Variants in LNPK observed in about 807,000 individuals in gnomAD.
LNPK encodes endoplasmic reticulum junction formation protein lunapark.
Under a neutral mutation model 55.2 loss-of-function variants are expected in LNPK, and 29 were observed. That is an observed-to-expected ratio of 0.53 (90% CI 0.39 to 0.72). The LOEUF is 0.72. Ranked by LOEUF, LNPK falls within the 30% of genes least tolerant of loss-of-function variation. The pLI is 0.00. For synonymous variants in LNPK, 162 were observed against 168.2 expected, an observed-to-expected ratio of 0.96 and a Z score of 0.29; for missense variants, 467 against 494.8, an observed-to-expected ratio of 0.94 and a Z score of 0.53.
chr2:175,936,337 A>C (rs1482851257), intron 12 of LNPK, among the ~76,000 whole-genome samples: 1 of 152,164 alleles, frequency 6.6e-6, no homozygotes, highest in Non-Finnish European at 1.5e-5. Context: ...CAAATCCCAT[A>C]CTAAATTTCT....
At chr2:175,993,687 GGAGGCT>G (rs1687804928) in intron 2 of LNPK, among the ~76,000 whole-genome samples, 3 of 152,076 alleles carry the variant, frequency 2.0e-5, no homozygotes, top group African/African-American at 7.2e-5. Context: ...CAGCTACTCA[GGAGGCT>G]GAGGCACGAG....
chr2:175,966,265 T>C (rs1285408619), intron 6 of LNPK, among the ~76,000 whole-genome samples: 1 of 152,214 alleles, frequency 6.6e-6, no homozygotes, highest in Non-Finnish European at 1.5e-5. Flanking sequence ...GGTTTCGCCA[T>C]GTTGGCCAGG....
intron 4 of LNPK, among the ~76,000 whole-genome samples, chr2:175,984,244 T>C (rs942610203): frequency 4.6e-5 from 7 of 151,772 alleles, no homozygotes; most frequent in Admixed American, 2.0e-4. Context: ...TGGGGCGCGA[T>C]CTTGACTCAC....
chr2:175,973,804 T>C (rs1414014177), intron 5 of LNPK, among the ~76,000 whole-genome samples: 1 of 152,234 alleles, frequency 6.6e-6, no homozygotes, highest in Non-Finnish European at 1.5e-5. Flanking sequence ...GTTCTTTAAT[T>C]GACTACTCAT....
At chr2:175,937,187 C>A (rs1559026957) in intron 12 of LNPK, among the ~76,000 whole-genome samples, 157 bp downstream of exon 12, 1 of 152,114 alleles carries the variant, frequency 6.6e-6, no homozygotes. Context: ...ACACATCACA[C>A]CTATCACACA....
Position 175,952,860 on chromosome 2 carries a change from C to G in LNPK, c.494-5168G>C, listed in dbSNP as rs76261858. On this transcript the variant is annotated intron_variant, in intron 8 of 12. Transcript: ENST00000272748. ...TACTAATGTTGCATTAACATAGCTA[C>G]TCTTTATCAAATCCCTATTTTCTGC... Among the ~76,000 whole-genome samples the G allele has an allele frequency of 3.3e-5, 5 of 152,186 alleles. No individual in the cohort carries two copies. In the South Asian group the frequency reaches 1.0e-3, roughly 32 times the overall value.
At chr2:175,993,390 CA>C (rs1411525937) in intron 2 of LNPK, among the ~76,000 whole-genome samples, 167 bp from the exon 3 acceptor site, 1 of 152,080 alleles carries the variant, frequency 6.6e-6, no homozygotes, top group African/African-American at 2.4e-5. Context: ...ATTATAATTG[CA>C]AATAGAACTA....
At chr2:175,930,690 G>A (rs1446059262) in intron 12 of LNPK, among the ~76,000 whole-genome samples, 5 of 152,030 alleles carry the variant, frequency 3.3e-5, no homozygotes, top group African/African-American at 1.2e-4. Flanking sequence ...GTGGGTGTGG[G>A]TGGATGGTGC....
intron 4 of LNPK, among the ~76,000 whole-genome samples, chr2:175,989,501 T>G (rs184220439): frequency 1.5e-3 from 226 of 152,282 alleles, no homozygotes; most frequent in African/African-American, 5.1e-3. Flanking sequence ...TTTTACTTAG[T>G]TAACATAGTT....
chr2:175,972,227 A>G (rs1686696751), intron 5 of LNPK, among the ~76,000 whole-genome samples: 1 of 152,198 alleles, frequency 6.6e-6, no homozygotes, highest in East Asian at 1.9e-4. Flanking sequence ...AGAAATACAA[A>G]AGAAATACAA....
At position 175,929,694 on chromosome 2, in the gene LNPK, A is replaced by C; in HGVS notation, c.*273T>G. On this transcript the variant is annotated 3_prime_UTR_variant, in exon 13 of 13. Transcript: ENST00000272748. ...AACAAGAAGGCAATCATGTTTGCTT[A>C]CTTTTAGAATGGACAAAAAAGTATC... 8.1e-7 allele frequency: 1 copy of C among 1,229,068 alleles called. No individual in the cohort carries two copies. The highest frequency in any genetic ancestry group is 1.0e-6 in the Non-Finnish European group (1 of 983,646). 76.1% of individuals were successfully genotyped at this position (1,229,068 alleles called of 1,614,324 possible).
intron 8 of LNPK, among the ~76,000 whole-genome samples, chr2:175,961,445 C>G (rs912005904): frequency 1.3e-5 from 2 of 152,142 alleles, no homozygotes; most frequent in African/African-American, 4.8e-5. Flanking sequence ...GAACCAAAGA[C>G]AAAAACCACA....
chr2:176,002,397 C>G (rs542058882), upstream of LNPK: 136 of 352,162 alleles, frequency 3.9e-4, no homozygotes, highest in African/African-American at 2.7e-3. Flanking sequence ...GCGGGTCGGC[C>G]GGGAGGTTAG....
At chr2:176,000,811 C>G (rs1425499676) in intron 1 of LNPK, among the ~76,000 whole-genome samples, 1 of 152,058 alleles carries the variant, frequency 6.6e-6, no homozygotes, top group Non-Finnish European at 1.5e-5. Context: ...TCTGAAATAG[C>G]CCAAGCCACA....
At chr2:176,002,348 C>T (rs2105383385), upstream of LNPK, 1 of 414,184 alleles carries the variant, frequency 2.4e-6, no homozygotes, top group South Asian at 1.7e-5. Context: ...GCGCCGCTCC[C>T]CCGTCACGTG....
At chr2:175,939,046 C>T (rs183553924) in intron 10 of LNPK, among the ~76,000 whole-genome samples, 1 of 152,124 alleles carries the variant, frequency 6.6e-6, no homozygotes, top group East Asian at 1.9e-4. Flanking sequence ...ATTAGGAGCG[C>T]TGTCAAACAT....
chr2:175,964,544 T>A lies in LNPK; in HGVS notation c.403A>T (p.Ile135Phe). The A allele has an allele frequency of 6.2e-7, 1 of 1,611,504 alleles. No homozygotes were observed. The highest frequency in any genetic ancestry group is 8.5e-7 in the Non-Finnish European group (1 of 1,178,134). ...GAGTCCGGATCAAACCTTTCAAGAA[T>A]TAATTTAGCCGTCTTGTAAGTTTCT... ...EKETYKTAKLILERFDPDSKK... is the reference protein window; with the variant it reads ...EKETYKTAKLFLERFDPDSKK... The change falls in exon 7 of 13, where the codon ATT becomes TTT. Residue 135 changes from isoleucine to phenylalanine, a missense_variant. Transcript: ENST00000272748.
intron 5 of LNPK, among the ~76,000 whole-genome samples, chr2:175,979,334 G>A (rs988459972): frequency 3.3e-5 from 5 of 152,142 alleles, no homozygotes; most frequent in East Asian, 1.9e-4. Context: ...AGAGGCAGGC[G>A]GATTGCCTGA....
rs1683944314 is a variant in LNPK, at chr2:175,924,960, C to G, written c.*5007G>C. The G allele has an allele frequency of 6.6e-6, 1 of 152,040 alleles. No individual in the cohort carries two copies. Among genetic ancestry groups the G allele is most frequent in the Non-Finnish European group, 1.5e-5 (1 of 68,002 alleles). 9.4% of individuals were successfully genotyped at this position (152,040 alleles called of 1,614,324 possible). ...GAACTCATTACTGCAAGGACAACGC[C>G]AAGACATTCATGAGGGATCCGCTCC... On this transcript the variant is annotated 3_prime_UTR_variant, in exon 13 of 13. Transcript: ENST00000272748.
Sources: gnomAD v4.1 joint callset for allele counts (sites outside exome capture counted in the v4.1 genomes callset) on GRCh38, gnomAD v4.1.1 for gene constraint, MANE v1.5 for transcripts, NCBI Gene and HGNC (gene_info 2026-07-23, HGNC 2026-07-21) for gene names.